Variants in TFCP2 observed in about 807,000 individuals in gnomAD.
TFCP2 encodes the protein alpha-globin transcription factor CP2.
In TFCP2, 33 loss-of-function variants were observed where a neutral mutation model predicts 73.4. The observed-to-expected ratio is 0.45, with a 90% CI of 0.34 to 0.60. TFCP2 has a LOEUF of 0.60. Ranked by LOEUF, TFCP2 falls within the 20% of genes least tolerant of loss-of-function variation. The probability of loss-of-function intolerance (pLI) is 0.01; values close to 1 mark genes in which losing one functional copy is unlikely to be tolerated. For missense variants in TFCP2, 352 were observed against 604.0 expected (o/e 0.58, Z 4.37); for synonymous variants, 193 against 211.6 (o/e 0.91, Z 0.76).
At chr12:51,154,798 T>C (rs1361962598) in intron 1 of TFCP2, among the ~76,000 whole-genome samples, 3 of 152,198 alleles carry the variant, frequency 2.0e-5, no homozygotes, top group Admixed American at 6.5e-5. Context: ...GTAACTGATA[T>C]CTCAGAAAGT....
chr12:51,140,006 T>A (rs1941151773), intron 1 of TFCP2, among the ~76,000 whole-genome samples: 1 of 152,224 alleles, frequency 6.6e-6, no homozygotes, highest in African/African-American at 2.4e-5. Flanking sequence ...TGCCTGGAAC[T>A]ATTTCAGGCA....
chr12:51,110,798 C>T, intron 5 of TFCP2, 79 bp downstream of exon 5: 3 of 1,075,314 alleles, frequency 2.8e-6, no homozygotes, highest in South Asian at 2.6e-5. Flanking sequence ...TCAAAGTTAA[C>T]ATGTTTTATC....
Position 51,172,559 on chromosome 12 carries a change from A to C in TFCP2, c.-137T>G. ...ACGCAGTGCCCACCAGCCACCCCCA[A>C]GCCCGACCAGCACTGCTCTGTGCAC... On this transcript the variant is annotated 5_prime_UTR_variant, in exon 1 of 15. Transcript: ENST00000257915. The C allele has an allele frequency of 8.8e-7, 1 of 1,135,668 alleles. No homozygotes were observed. The highest frequency in any genetic ancestry group is 2.5e-5 in the East Asian group (1 of 40,564). The allele number at this position is 1,135,668 out of a possible 1,614,324, so 70.3% of individuals were successfully genotyped here.
At chr12:51,162,462 A>T (rs1941669463) in intron 1 of TFCP2, among the ~76,000 whole-genome samples, 1 of 150,324 alleles carries the variant, frequency 6.7e-6, no homozygotes, top group Non-Finnish European at 1.5e-5. Context: ...AAAAAAAAAG[A>T]AAAGAAAAAG....
chr12:51,112,808 A>C (rs1165003711), intron 4 of TFCP2, among the ~76,000 whole-genome samples: 1 of 150,918 alleles, frequency 6.6e-6, no homozygotes, highest in Non-Finnish European at 1.5e-5. Context: ...CAGAGGTTGC[A>C]GTGAGCCGAG....
At chr12:51,155,006 C>A (rs538670863) in intron 1 of TFCP2, among the ~76,000 whole-genome samples, 11 of 152,228 alleles carry the variant, frequency 7.2e-5, no homozygotes, top group African/African-American at 2.6e-4. Context: ...GGAGTAAGAT[C>A]CATCCTCAAT....
At chr12:51,124,942 C>T in intron 1 of TFCP2, 1 of 777,872 alleles carries the variant, frequency 1.3e-6, no homozygotes, top group South Asian at 1.3e-5. Context: ...AATGTGGCTG[C>T]TTGCTCCGTA....
chr12:51,129,632 T>A (rs547587577), intron 1 of TFCP2, among the ~76,000 whole-genome samples: 7 of 151,996 alleles, frequency 4.6e-5, no homozygotes, highest in African/African-American at 1.7e-4. Context: ...AAAGAAGTCT[T>A]TTTAGTTCTG....
intron 1 of TFCP2, among the ~76,000 whole-genome samples, chr12:51,121,002 T>G (rs1349268685): frequency 2.0e-5 from 3 of 151,718 alleles, no homozygotes; most frequent in Non-Finnish European, 4.4e-5. Flanking sequence ...TCTGTTTACT[T>G]TGTATATGTT....
At chr12:51,101,817 A>T (rs140930713) in intron 11 of TFCP2, 118 bp downstream of exon 11, 21 of 607,852 alleles carry the variant, frequency 3.5e-5, no homozygotes, top group Non-Finnish European at 4.3e-5. Context: ...CATAGCTGAC[A>T]TTTAAAACAA....
chr12:51,107,141 G>T, intron 7 of TFCP2, 95 bp downstream of exon 7: 1 of 1,002,196 alleles, frequency 1.0e-6, no homozygotes. Flanking sequence ...GTCCCTCAAG[G>T]CTTAGGAGAA....
intron 3 of TFCP2, among the ~76,000 whole-genome samples, chr12:51,116,934 C>G (rs1486036995): frequency 1.3e-5 from 2 of 152,084 alleles, no homozygotes; most frequent in Non-Finnish European, 2.9e-5. Flanking sequence ...CAGATAGAAT[C>G]TTTATAGTTA....
rs1278298446 is a variant in TFCP2 at position 51,094,009 on chromosome 12, ACAAT to A, written c.*1228_*1231del. On this transcript the variant is annotated 3_prime_UTR_variant, in exon 15 of 15. Transcript: ENST00000257915. ...CTTACACACACACACACACACACACACAATCATTCTTAAGGAAGAACAAAAACAT... is the reference window on the plus strand; with the variant it reads ...CTTACACACACACACACACACACACACATTCTTAAGGAAGAACAAAAACAT... The A allele has an allele frequency of 4.0e-5, 6 of 151,834 alleles. No homozygotes were observed. The highest frequency in any genetic ancestry group is 1.5e-4 in the African/African-American group (6 of 41,198). 9.4% of individuals were successfully genotyped at this position (151,834 alleles called of 1,614,324 possible). A position where few individuals can be genotyped will look rare whatever the true frequency, so the allele number is the denominator to read the frequency against.
chr12:51,172,266 T>C, intron 1 of TFCP2, 35 bp downstream of exon 1: 1 of 1,610,860 alleles, frequency 6.2e-7, no homozygotes, highest in Non-Finnish European at 8.5e-7. Flanking sequence ...CCTTTGTTAT[T>C]CAGAAGGTGT....
chr12:51,115,146 G>GTTTTTT, intron 4 of TFCP2, among the ~76,000 whole-genome samples: 1 of 120,578 alleles, frequency 8.3e-6, no homozygotes. Flanking sequence ...TTTTGAGAGA[G>GTTTTTT]TCTCGCTCTG....
intron 1 of TFCP2, among the ~76,000 whole-genome samples, chr12:51,161,259 T>C (rs923574333): frequency 4.0e-5 from 6 of 151,860 alleles, no homozygotes; most frequent in African/African-American, 1.2e-4. Context: ...ACAACAGTAA[T>C]CCCTAGGGAG....
At chr12:51,165,025 C>T (rs979851580) in intron 1 of TFCP2, among the ~76,000 whole-genome samples, 1 of 152,044 alleles carries the variant, frequency 6.6e-6, no homozygotes. Flanking sequence ...TTCTATGAGG[C>T]CAACATCACC....
chr12:51,150,797 A>G (rs1941405755), intron 1 of TFCP2, among the ~76,000 whole-genome samples: 1 of 152,220 alleles, frequency 6.6e-6, no homozygotes. Context: ...CTTTTTTAAG[A>G]AAATGGAGAT....
chr12:51,142,512 C>T (rs571759414), intron 1 of TFCP2, among the ~76,000 whole-genome samples: 32 of 152,228 alleles, frequency 2.1e-4, no homozygotes, highest in Non-Finnish European at 3.8e-4. Context: ...CTCTTTTGCT[C>T]CTGATGCAAC....
Sources: allele counts gnomAD v4.1 joint callset (sites outside exome capture counted in the v4.1 genomes callset), GRCh38; gene constraint gnomAD v4.1.1; transcripts MANE v1.5; gene names NCBI Gene and HGNC (gene_info 2026-07-23, HGNC 2026-07-21).